Variants in PRKD2 observed in about 807,000 individuals in gnomAD.
PRKD2 encodes the protein serine/threonine-protein kinase D2.
PRKD2 carries 22 observed loss-of-function variants against 86.0 expected under a neutral mutation model. The ratio of observed to expected loss-of-function variants is 0.26; its 90% CI spans 0.18 to 0.37. The LOEUF (loss-of-function observed/expected upper bound fraction) is 0.37. PRKD2 is among the 10% of genes least tolerant of loss of function. PRKD2 has a pLI of 1.00. For synonymous variants in PRKD2, 509 were observed against 510.9 expected (o/e 1.00, Z 0.05); for missense variants, 818 against 1,199.2 (o/e 0.68, Z 4.70).
rs2053271773 is a variant in PRKD2, at chr19:46,679,975, G to C, written c.2071-1312C>G. ...AGTCTAAGGTCATGGACAGGCTTTG[G>C]AGCCAGCAAGACCTGGGTTCAAGGT... On this transcript the variant is annotated intron_variant, in intron 15 of 17. Transcript: ENST00000291281. 2.0e-5 allele frequency among the ~76,000 whole-genome samples: 3 copies of C among 152,142 alleles called. No homozygotes were observed. The South Asian group carries it at 6.2e-4, about 32-fold the overall frequency.
intron 2 of PRKD2, 30 bp from the exon 3 acceptor site, chr19:46,711,068 G>C (rs765914053): frequency 2.6e-6 from 4 of 1,558,246 alleles, no homozygotes; most frequent in African/African-American, 1.4e-5. Context: ...GTGGATGCTT[G>C]AGGCGGGGTA....
At chr19:46,706,134 G>A (rs368779440) in intron 3 of PRKD2, among the ~76,000 whole-genome samples, 1 of 152,076 alleles carries the variant, frequency 6.6e-6, no homozygotes, top group Non-Finnish European at 1.5e-5. Context: ...CAAAGTGTTG[G>A]GATTACAGGC....
rs764523412 is a variant in PRKD2, at chr19:46,674,631, C to T, written c.2529G>A (p.Glu843=). Residue 843 remains glutamate, a synonymous_variant, in exon 18 of 18, where the codon GAG becomes GAA. Coordinates refer to ENST00000291281, the MANE Select transcript of PRKD2 (RefSeq NM_016457.5). ...GCAGCCCAGACCCAGGCAGCGGATGCTCTGCTGCAAACTGCTCCCAGCGCG... is the reference window on the plus strand; with the variant it reads ...GCAGCCCAGACCCAGGCAGCGGATGTTCTGCTGCAAACTGCTCCCAGCGCG... The part of the protein sequence containing the change: ...DDARWEQFAA[E]HPLPGSGLPT... 48 of 1,608,874 alleles carry T rather than the reference C, an allele frequency of 3.0e-5. No individual in the cohort carries two copies. The South Asian group carries it at 5.1e-4, about 17-fold the overall frequency.
chr19:46,681,825 C>T, intron 14 of PRKD2, 77 bp from the exon 15 acceptor site: 1 of 828,932 alleles, frequency 1.2e-6, no homozygotes, highest in South Asian at 1.6e-5. Flanking sequence ...GCCAGCCCTC[C>T]AAACCCATCC....
At chr19:46,680,219 C>A (rs2053276121) in intron 15 of PRKD2, among the ~76,000 whole-genome samples, 2 of 152,178 alleles carry the variant, frequency 1.3e-5, no homozygotes. Context: ...TCTGCCCTTT[C>A]TACAGATCTT....
intron 12 of PRKD2, among the ~76,000 whole-genome samples, chr19:46,691,345 C>T (rs1406352800): frequency 6.6e-6 from 1 of 152,018 alleles, no homozygotes; most frequent in African/African-American, 2.4e-5. Context: ...AGAATCTACC[C>T]TCTTTTCCAA....
chr19:46,710,908 A>G lies in PRKD2; in HGVS notation c.510T>C (p.Asp170=), dbSNP rs752231529. 19 of 1,430,654 alleles carry G rather than the reference A, an allele frequency of 1.3e-5. No homozygotes were observed. Among genetic ancestry groups the G allele is most frequent in the South Asian group, 3.6e-5 (3 of 83,480 alleles). The allele number at this position is 1,430,654 out of a possible 1,614,324, so 88.6% of individuals were successfully genotyped here. A position where few individuals can be genotyped will look rare whatever the true frequency, so the allele number is the denominator to read the frequency against. Residue 170 remains aspartate, a splice_region_variant and synonymous_variant, in exon 3 of 18, where the codon GAT becomes GAC. Coordinates refer to ENST00000291281, the MANE Select transcript of PRKD2 (RefSeq NM_016457.5). The stretch of plus-strand genomic sequence containing the variant: ...CGCCCCCAACCCTTTAGCTCTCACC[A>G]TCGCACTTGAGGCCCTGGCGCACTA... ...FGLVRQGLKC[D]GCGLNYHKRC...
rs770341439 is a variant in PRKD2 at position 46,716,418 on chromosome 19, C to A, written c.-48G>T. 17 of 708,212 alleles carry A rather than the reference C, an allele frequency of 2.4e-5. No individual in the cohort carries two copies. In the East Asian group the frequency reaches 1.6e-3, roughly 68 times the overall value. 43.9% of individuals were successfully genotyped at this position (708,212 alleles called of 1,614,324 possible). A position where few individuals can be genotyped will look rare whatever the true frequency, so the allele number is the denominator to read the frequency against. ...GCCTGGAGCCCACCCGGGACCCGGC[C>A]GGGGGGCCCCGGGGGACCCTGGGTT... On this transcript the variant is annotated 5_prime_UTR_variant, in exon 1 of 18. Coordinates refer to ENST00000291281, the MANE Select transcript of PRKD2 (RefSeq NM_016457.5). The surrounding 1 kb of genome is among the most constrained non-coding windows in gnomAD (Gnocchi z 7.9).
At chr19:46,713,670 G>T (rs1334001476) in intron 2 of PRKD2, among the ~76,000 whole-genome samples, 193 bp downstream of exon 2, 1 of 151,150 alleles carries the variant, frequency 6.6e-6, no homozygotes, top group Non-Finnish European at 1.5e-5. Flanking sequence ...TCACTATGTT[G>T]CCCAGGCTGA....
intron 7 of PRKD2, among the ~76,000 whole-genome samples, chr19:46,699,638 A>G (rs777699436): frequency 3.4e-4 from 51 of 152,182 alleles, no homozygotes; most frequent in Non-Finnish European, 3.2e-4. Context: ...TGCTTTCTCA[A>G]TAAACATTCA....
At chr19:46,703,067 T>C (rs1274699154) in intron 5 of PRKD2, among the ~76,000 whole-genome samples, 1 of 152,168 alleles carries the variant, frequency 6.6e-6, no homozygotes, top group Non-Finnish European at 1.5e-5. Context: ...TTCAAGCTTA[T>C]ATGATTCTAG....
At chr19:46,681,103 A>G (rs1028331994) in intron 15 of PRKD2, among the ~76,000 whole-genome samples, 5 of 149,856 alleles carry the variant, frequency 3.3e-5, no homozygotes, top group African/African-American at 1.2e-4. Context: ...ACAGGCGCAC[A>G]CCACCACGCC....
chr19:46,698,080 C>T (rs1055948014), intron 7 of PRKD2, among the ~76,000 whole-genome samples: 1 of 152,152 alleles, frequency 6.6e-6, no homozygotes, highest in Non-Finnish European at 1.5e-5. Context: ...CGGCTCACTG[C>T]AACCTCTGCC....
At chr19:46,713,250 C>T (rs2053833892) in intron 2 of PRKD2, among the ~76,000 whole-genome samples, 1 of 144,770 alleles carries the variant, frequency 6.9e-6, no homozygotes, top group Non-Finnish European at 1.5e-5. Context: ...TGGTCTCAAA[C>T]TCCTGGGCTC....
chr19:46,713,762 C>T, intron 2 of PRKD2, 101 bp downstream of exon 2: 3 of 1,156,124 alleles, frequency 2.6e-6, no homozygotes, highest in Non-Finnish European at 3.6e-6. Context: ...TGAGCCACTA[C>T]ACCCGGCCTC....
intron 13 of PRKD2, among the ~76,000 whole-genome samples, chr19:46,690,236 A>C (rs2053464398): frequency 6.6e-6 from 1 of 151,664 alleles, no homozygotes; most frequent in Non-Finnish European, 1.5e-5. Flanking sequence ...GGCTACAATC[A>C]CTTCCCTTTC....
chr19:46,713,972 G>A lies in PRKD2; in HGVS notation c.270C>T (p.Tyr90=), dbSNP rs368113347. 1.1e-4 allele frequency: 170 copies of A among 1,613,622 alleles called. No individual in the cohort carries two copies. The highest frequency in any genetic ancestry group is 8.3e-4 in the Middle Eastern group (5 of 6,052). ...CATGTTTGAAAAGCAGGATCTTGTC[G>A]TAAAGGCCGTAGAAGCCACACTCAG... ...KFPECGFYGL[Y]DKILLFKHDP... The change falls in exon 2 of 18, where the codon TAC becomes TAT. Residue 90 remains tyrosine (Y), a synonymous_variant. Transcript: ENST00000291281.
chr19:46,686,726 T>C (rs111646657), intron 14 of PRKD2, among the ~76,000 whole-genome samples: 4,882 of 148,424 alleles, frequency 0.033, 257 homozygotes, highest in African/African-American at 0.11. Context: ...CCGAGGCGGG[T>C]GGATCACGAG....
At chr19:46,680,938 A>AT (rs2053290668) in intron 15 of PRKD2, among the ~76,000 whole-genome samples, 1 of 50,316 alleles carries the variant, frequency 2.0e-5, no homozygotes, top group African/African-American at 5.9e-5. Context: ...ATATATATAT[A>AT]TATATATATT....
Sources: allele counts gnomAD v4.1 joint callset (sites outside exome capture counted in the v4.1 genomes callset), GRCh38; gene constraint gnomAD v4.1.1; non-coding constraint Gnocchi (gnomAD v3.1); transcripts MANE v1.5; gene names NCBI Gene and HGNC (gene_info 2026-07-23, HGNC 2026-07-21).